CEP43: variants seen among roughly 807,000 people sequenced by gnomAD.
The protein encoded by CEP43 is FGFR1 oncogene partner.
CEP43 carries 36 observed loss-of-function variants against 52.6 expected under a neutral mutation model. The ratio of observed to expected loss-of-function variants is 0.68; its 90% CI spans 0.52 to 0.90. The LOEUF (loss-of-function observed/expected upper bound fraction) is 0.90, where lower values mean the gene tolerates loss of function less well. CEP43 is among the 40% of genes least tolerant of loss of function. The pLI, the probability that CEP43 is intolerant of heterozygous loss-of-function variation, is 0.00. For missense variants in CEP43, 506 were observed against 472.8 expected (o/e 1.07, Z -0.65); for synonymous variants, 192 against 172.4 (o/e 1.11, Z -0.89).
At chr6:167,032,749 A>G in intron 11 of CEP43, 107 bp downstream of exon 11, 1 of 1,018,490 alleles carries the variant, frequency 9.8e-7, no homozygotes, top group Non-Finnish European at 1.4e-6. Flanking sequence ...AATGTATTTG[A>G]TTCTGTTGTT....
chr6:167,000,242 A>G (rs1318400055), intron 2 of CEP43, 129 bp downstream of exon 2: 2 of 680,552 alleles, frequency 2.9e-6, no homozygotes, highest in Non-Finnish European at 4.7e-6. Context: ...TAAGGATTAC[A>G]TTACTATTGA....
At chr6:167,028,237 G>A (rs1780394457) in intron 10 of CEP43, 1 of 985,356 alleles carries the variant, frequency 1.0e-6, no homozygotes, top group Non-Finnish European at 1.2e-6. Flanking sequence ...TTACCAAAGC[G>A]AGGGTTTTCC....
At position 167,046,524 on chromosome 6, in the gene CEP43, A is replaced by C. The variant is rs1247320388; in HGVS notation, c.*6546A>C. The C allele has an allele frequency of 1.3e-5, 2 of 152,248 alleles. No homozygotes were observed. Among genetic ancestry groups the C allele is most frequent in the Admixed American group, 6.5e-5 (1 of 15,284 alleles). The allele number at this position is 152,248 out of a possible 1,614,324, so 9.4% of individuals were successfully genotyped here. ...GCTTGGAAATGGAATTTCTTAGCCT[A>C]ATTTCTAAATTAGAACTGCTTATGC... On this transcript the variant is annotated 3_prime_UTR_variant, in exon 13 of 13. Coordinates refer to ENST00000366847, the MANE Select transcript of CEP43 (RefSeq NM_007045.4).
rs1402089443 is a variant in CEP43 at position 167,041,429 on chromosome 6, ATC to A, written c.*1454_*1455del. On this transcript the variant is annotated 3_prime_UTR_variant, in exon 13 of 13. Coordinates refer to ENST00000366847, the MANE Select transcript of CEP43 (RefSeq NM_007045.4). ...TTCTGCCCTCCGTCTGTGAGCTGCT[ATC>A]TCAGTCTCCTTCAGCTCTTCATGTC... 4 of 1,059,618 alleles carry A rather than the reference ATC, an allele frequency of 3.8e-6. No individual in the cohort carries two copies. The African/African-American group carries it at 4.9e-5, about 13-fold the overall frequency. 65.6% of individuals were successfully genotyped at this position (1,059,618 alleles called of 1,614,324 possible). A position where few individuals can be genotyped will look rare whatever the true frequency, so the allele number is the denominator to read the frequency against.
At chr6:167,032,971 T>C (rs1780502328) in intron 11 of CEP43, among the ~76,000 whole-genome samples, 2 of 152,166 alleles carry the variant, frequency 1.3e-5, no homozygotes, top group South Asian at 4.1e-4. Flanking sequence ...CTTCCTTCCA[T>C]ACCTTTTTGT....
chr6:167,040,076 CTA>C lies in CEP43; in HGVS notation c.*100_*101del. The C allele has an allele frequency of 6.2e-7, 1 of 1,609,940 alleles. No individual in the cohort carries two copies. Among genetic ancestry groups the C allele is most frequent in the Non-Finnish European group, 8.5e-7 (1 of 1,177,912 alleles). On this transcript the variant is annotated 3_prime_UTR_variant, in exon 13 of 13. Coordinates refer to ENST00000366847, the MANE Select transcript of CEP43 (RefSeq NM_007045.4). ...ATCACTCAGCTGGAATGTCTGCTCT[CTA>C]TTGGTGCCTTGCATTTCAAAAACAC...
In CEP43 at chr6:167,024,801, C is replaced by G; in HGVS notation, c.826C>G (p.Gln276Glu). 6.2e-7 allele frequency: 1 copy of G among 1,613,368 alleles called. No homozygotes were observed. The highest frequency in any genetic ancestry group is 8.5e-7 in the Non-Finnish European group (1 of 1,179,558). ...TYGLRKEPRK[Q>E]AGSLASLSDA... ...TGTTAGGAGGAAGGAACCTAGGAAG[C>G]AAGCAGGAAGTCTGGCCTCGCTCTC... Residue 276 changes from glutamine to glutamate, a missense_variant, in exon 9 of 13, where the codon CAA (glutamine) becomes GAA (glutamate). Transcript: ENST00000366847.
At chr6:167,037,911 G>A (rs1423406718) in intron 12 of CEP43, among the ~76,000 whole-genome samples, 1 of 152,206 alleles carries the variant, frequency 6.6e-6, no homozygotes, top group African/African-American at 2.4e-5. Flanking sequence ...CTAAGAGTGT[G>A]TGTGTGGGTG....
chr6:167,022,688 T>G, intron 8 of CEP43, 53 bp downstream of exon 8: 2 of 1,151,970 alleles, frequency 1.7e-6, no homozygotes, highest in Non-Finnish European at 2.5e-6. Flanking sequence ...ATAAGATAAA[T>G]GTTTTCATTT....
At chr6:167,005,611 C>G (rs1779833672) in intron 5 of CEP43, among the ~76,000 whole-genome samples, 1 of 152,144 alleles carries the variant, frequency 6.6e-6, no homozygotes, top group Admixed American at 6.5e-5. Context: ...AGGCGGCTCA[C>G]CCAGAGCGCA....
At chr6:167,016,041 G>A (rs753329530) in intron 7 of CEP43, among the ~76,000 whole-genome samples, 3 of 150,182 alleles carry the variant, frequency 2.0e-5, no homozygotes, top group Middle Eastern at 6.9e-3. Context: ...ATTCCATTTC[G>A]TTGTACCAAA....
In CEP43 at chr6:167,041,831, G is replaced by C. The variant is rs567037007; in HGVS notation, c.*1853G>C. ...AGCACTACATACATCTTTTTTTTGC[G>C]GGGGGCGGGGGGGACAGAGTCTCAC... is the stretch of plus-strand genomic sequence containing the variant. On this transcript the variant is annotated 3_prime_UTR_variant, in exon 13 of 13. Transcript: ENST00000366847. 1.0e-6 allele frequency: 1 copy of C among 964,782 alleles called. No homozygotes were observed. Among genetic ancestry groups the C allele is most frequent in the Non-Finnish European group, 1.2e-6 (1 of 804,770 alleles). The allele number at this position is 964,782 out of a possible 1,614,324, so 59.8% of individuals were successfully genotyped here. A position where few individuals can be genotyped will look rare whatever the true frequency, so the allele number is the denominator to read the frequency against.
intron 7 of CEP43, among the ~76,000 whole-genome samples, chr6:167,022,054 G>A (rs1000550530): frequency 6.6e-6 from 1 of 152,132 alleles, no homozygotes; most frequent in Middle Eastern, 3.2e-3. Context: ...AAGAGGAGAT[G>A]GGAAATTGTT....
chr6:167,009,298 C>T lies in CEP43; in HGVS notation c.439-1515C>T, dbSNP rs188584273. ...TCCCACATTGGGAGGCTGAGGCGGGCGGATCATTTGAGACCAGCCTGGCCA... is the reference window on the plus strand; with the variant it reads ...TCCCACATTGGGAGGCTGAGGCGGGTGGATCATTTGAGACCAGCCTGGCCA... On this transcript the variant is annotated intron_variant, in intron 5 of 12. Transcript: ENST00000366847. Among the ~76,000 whole-genome samples, 111 of 150,876 alleles carry T rather than the reference C, an allele frequency of 7.4e-4. 1 individual carries two copies. The East Asian group carries it at 0.018, about 24-fold the overall frequency.
chr6:167,019,634 T>G (rs890225708), intron 7 of CEP43, among the ~76,000 whole-genome samples: 2 of 152,268 alleles, frequency 1.3e-5, no homozygotes, highest in African/African-American at 4.8e-5. Context: ...AAGAGAACTA[T>G]ATTTTTAAAA....
In CEP43 at chr6:167,047,673, C is replaced by A. The variant is rs1780819097; in HGVS notation, c.*7695C>A. 6.6e-6 allele frequency: 1 copy of A among 152,184 alleles called. No homozygotes were observed. The highest frequency in any genetic ancestry group is 1.5e-5 in the Non-Finnish European group (1 of 68,036). The allele number at this position is 152,184 out of a possible 1,614,324, so 9.4% of individuals were successfully genotyped here. A position where few individuals can be genotyped will look rare whatever the true frequency, so the allele number is the denominator to read the frequency against. ...ATGAATGTCTGTTCCCCTTTCAAAA[C>A]CTAATTCAGATGTCACTTCCTCCTC... On this transcript the variant is annotated 3_prime_UTR_variant, in exon 13 of 13. Coordinates refer to ENST00000366847, the MANE Select transcript of CEP43 (RefSeq NM_007045.4).
Position 167,005,623 on chromosome 6 carries a change from G to A in CEP43, c.438+1222G>A, listed in dbSNP as rs551414858. ...GTGAGGCGGCTCACCCAGAGCGCAG[G>A]TTGTCACTTCAGCTTGTGCATATAA... On this transcript the variant is annotated intron_variant, in intron 5 of 12. Coordinates refer to ENST00000366847, the MANE Select transcript of CEP43 (RefSeq NM_007045.4). Among the ~76,000 whole-genome samples the A allele has an allele frequency of 4.2e-3, 634 of 152,310 alleles. 2 individuals are homozygous for A. The highest frequency in any genetic ancestry group is 5.9e-3 in the Non-Finnish European group (399 of 68,040).
intron 12 of CEP43, among the ~76,000 whole-genome samples, chr6:167,039,085 A>T (rs139500285): frequency 0.018 from 2,797 of 152,150 alleles, 45 homozygotes; most frequent in East Asian, 0.09. Context: ...TTCACTTAGA[A>T]TAATGGTCTC....
chr6:167,021,889 G>T (rs2128663823), intron 7 of CEP43, among the ~76,000 whole-genome samples: 1 of 152,258 alleles, frequency 6.6e-6, no homozygotes, highest in Non-Finnish European at 1.5e-5. Flanking sequence ...GTTTAGCACT[G>T]GATAGAAAAT....
Sources: gnomAD v4.1 joint callset for allele counts (sites outside exome capture counted in the v4.1 genomes callset) on GRCh38, gnomAD v4.1.1 for gene constraint, MANE v1.5 for transcripts, NCBI Gene and HGNC (gene_info 2026-07-23, HGNC 2026-07-21) for gene names.